LEF1: variants seen among roughly 807,000 people sequenced by gnomAD.
The protein encoded by LEF1 is lymphoid enhancer binding factor 1, also known as lymphoid enhancer-binding factor 1.
In LEF1, 14 loss-of-function variants were observed where a neutral mutation model predicts 51.2. The ratio of observed to expected loss-of-function variants is 0.27; its 90% CI spans 0.18 to 0.43. LEF1 has a LOEUF of 0.43. Among genes scored for constraint, LEF1 ranks in the 20% least tolerant of loss-of-function variants. LEF1 has a pLI of 1.00. For missense variants in LEF1, 386 were observed against 512.0 expected (o/e 0.75, Z 2.37); for synonymous variants, 185 against 183.2 (o/e 1.01, Z -0.08).
chr4:108,083,724 G>T (rs1231888999), intron 4 of LEF1, among the ~76,000 whole-genome samples: 2 of 152,106 alleles, frequency 1.3e-5, no homozygotes, highest in African/African-American at 4.8e-5. Context: ...TATTTGTTTT[G>T]CCCTCAATAT....
chr4:108,166,487 G>C, intron 1 of LEF1: 1 of 1,375,870 alleles, frequency 7.3e-7, no homozygotes, highest in Non-Finnish European at 9.4e-7. Context: ...ATTTCCTCCA[G>C]AGGGTTTCCC....
chr4:108,069,902 G>A (rs919879159), intron 9 of LEF1, among the ~76,000 whole-genome samples: 7 of 151,066 alleles, frequency 4.6e-5, no homozygotes, highest in African/African-American at 1.7e-4. Context: ...AGGTTGCAGT[G>A]AGCCAAGATC....
At chr4:108,119,650 C>T (rs182075772) in intron 3 of LEF1, among the ~76,000 whole-genome samples, 1 of 152,268 alleles carries the variant, frequency 6.6e-6, no homozygotes, top group Admixed American at 6.5e-5. Context: ...TGATCTGCCC[C>T]ATCACGATAG....
intron 3 of LEF1, among the ~76,000 whole-genome samples, chr4:108,114,585 C>G (rs1741721743): frequency 6.6e-6 from 1 of 152,154 alleles, no homozygotes; most frequent in Non-Finnish European, 1.5e-5. Context: ...AGAGTGTTTT[C>G]TAGATGTGGA....
At position 108,092,932 on chromosome 4, in the gene LEF1, A is replaced by C. The variant is rs937511766; in HGVS notation, c.415-3675T>G. Reference sequence around the variant, plus strand: ...AATGAATATGTAAAAAAAAAAAAAAAAAAAAAAAAAAAAAAAAGACAAGCA... The same window carrying C: ...AATGAATATGTAAAAAAAAAAAAAACAAAAAAAAAAAAAAAAAGACAAGCA... On this transcript the variant is annotated intron_variant, in intron 3 of 11. Transcript: ENST00000265165. 5.9e-4 allele frequency among the ~76,000 whole-genome samples: 87 copies of C among 147,006 alleles called. 1 individual carries two copies. Among genetic ancestry groups the C allele is most frequent in the African/African-American group, 1.7e-3 (68 of 40,506 alleles).
At chr4:108,148,841 T>C (rs1332744153) in intron 3 of LEF1, among the ~76,000 whole-genome samples, 4 of 152,216 alleles carry the variant, frequency 2.6e-5, no homozygotes, top group Admixed American at 6.5e-5. Flanking sequence ...TTTCTGGTTA[T>C]TGCACCATCC....
intron 3 of LEF1, among the ~76,000 whole-genome samples, chr4:108,115,320 A>C (rs1206786398): frequency 6.6e-6 from 1 of 152,202 alleles, no homozygotes; most frequent in Admixed American, 6.5e-5. Flanking sequence ...ACTCAGATAT[A>C]ATTCGGTTTA....
At chr4:108,155,502 T>C (rs141940248) in intron 3 of LEF1, among the ~76,000 whole-genome samples, 63 of 152,346 alleles carry the variant, frequency 4.1e-4, no homozygotes, top group Admixed American at 7.2e-4. Flanking sequence ...GTCAGCATGA[T>C]GGCACAATAG....
At chr4:108,147,122 G>A (rs143841410) in intron 3 of LEF1, among the ~76,000 whole-genome samples, 7 of 152,006 alleles carry the variant, frequency 4.6e-5, no homozygotes, top group South Asian at 2.1e-4. Flanking sequence ...AGAGAGGCCC[G>A]GGAGGGAGGG....
chr4:108,059,799 C>A (rs1301637594), intron 11 of LEF1, among the ~76,000 whole-genome samples: 2 of 152,134 alleles, frequency 1.3e-5, no homozygotes, highest in Non-Finnish European at 2.9e-5. Flanking sequence ...ACATCCCGGG[C>A]TCAATAGATC....
At chr4:108,094,421 C>A (rs1463274211) in intron 3 of LEF1, among the ~76,000 whole-genome samples, 1 of 152,220 alleles carries the variant, frequency 6.6e-6, no homozygotes, top group Non-Finnish European at 1.5e-5. Flanking sequence ...GTGGGTGCCA[C>A]TTAGGGATCC....
intron 3 of LEF1, among the ~76,000 whole-genome samples, chr4:108,157,757 A>G (rs1332425251): frequency 6.6e-6 from 1 of 152,234 alleles, no homozygotes; most frequent in Non-Finnish European, 1.5e-5. Flanking sequence ...AATTTTCCCT[A>G]TACAGATTGA....
intron 3 of LEF1, among the ~76,000 whole-genome samples, chr4:108,124,717 A>T (rs1035118988): frequency 4.6e-5 from 7 of 152,164 alleles, no homozygotes; most frequent in African/African-American, 1.7e-4. Flanking sequence ...CAAGGCTATA[A>T]AAAGTCTTAA....
At chr4:108,158,942 T>C (rs114803275) in intron 3 of LEF1, among the ~76,000 whole-genome samples, 57 of 152,072 alleles carry the variant, frequency 3.7e-4, no homozygotes, top group African/African-American at 1.4e-3. Flanking sequence ...AAAAGCAAGA[T>C]TTTTGCGGAT....
intron 3 of LEF1, among the ~76,000 whole-genome samples, chr4:108,137,841 A>G (rs572572137): frequency 6.6e-6 from 1 of 152,330 alleles, no homozygotes; most frequent in African/African-American, 2.4e-5. Flanking sequence ...GAATATATCA[A>G]CCCAATATAA....
chr4:108,119,073 T>C (rs1173955666), intron 3 of LEF1, among the ~76,000 whole-genome samples: 2 of 151,158 alleles, frequency 1.3e-5, no homozygotes, highest in Non-Finnish European at 2.9e-5. Context: ...GAAAATAAGA[T>C]TTTTTAAAAA....
At chr4:108,107,940 C>T (rs149363427) in intron 3 of LEF1, among the ~76,000 whole-genome samples, 1 of 152,198 alleles carries the variant, frequency 6.6e-6, no homozygotes, top group Non-Finnish European at 1.5e-5. Flanking sequence ...TAGGAGATCC[C>T]CAGAAAGCAC....
intron 8 of LEF1, 79 bp from the exon 9 acceptor site, chr4:108,070,849 A>T: frequency 1.0e-6 from 1 of 983,958 alleles, no homozygotes; most frequent in Non-Finnish European, 1.6e-6. Flanking sequence ...AAAATCAAAA[A>T]ATGAAAATAT....
Position 108,167,597 on chromosome 4 carries a change from C to T in LEF1, c.171G>A (p.Leu57=), listed in dbSNP as rs1745496215. The change falls in exon 1 of 12, where the codon TTG becomes TTA. Residue 57 remains leucine, a synonymous_variant. Transcript: ENST00000265165. This position sits in a 1 kb window ranked among gnomAD's most constrained non-coding sequence, Gnocchi z 5.7. ...EGDLADIKSS[L]VNESEIIPAS... is the part of the protein sequence containing the mutation. ...CCGGGATGATTTCAGACTCGTTCAC[C>T]AAGGAAGACTTGATGTCAGCTAAAT... 1 of 1,614,200 alleles carries T rather than the reference C, an allele frequency of 6.2e-7. No individual in the cohort carries two copies. Among genetic ancestry groups the T allele is most frequent in the East Asian group, 2.2e-5 (1 of 44,874 alleles).
Sources: gnomAD v4.1 joint callset for allele counts (sites outside exome capture counted in the v4.1 genomes callset) on GRCh38, gnomAD v4.1.1 for gene constraint, Gnocchi (gnomAD v3.1) non-coding constraint, MANE v1.5 for transcripts, NCBI Gene and HGNC (gene_info 2026-07-23, HGNC 2026-07-21) for gene names.